KCNQ1: variants seen among roughly 807,000 people sequenced by gnomAD.
The protein encoded by KCNQ1 is potassium voltage-gated channel subfamily KQT member 1.
KCNQ1 carries 49 observed loss-of-function variants against 72.4 expected under a neutral mutation model. The ratio of observed to expected loss-of-function variants is 0.68; its 90% CI spans 0.54 to 0.86. The LOEUF is 0.86. KCNQ1 is among the 40% of genes least tolerant of loss of function. The pLI, the probability that KCNQ1 is intolerant of heterozygous loss-of-function variation, is 0.00. For missense variants in KCNQ1, 790 were observed against 945.1 expected, an observed-to-expected ratio of 0.84 and a Z score of 2.15; for synonymous variants, 450 against 412.6, an observed-to-expected ratio of 1.09 and a Z score of -1.10.
Position 2,473,995 on chromosome 11 carries a change from G to A in KCNQ1, c.386+28511G>A, listed in dbSNP as rs1846531962. On this transcript the variant is annotated intron_variant, in intron 1 of 15. Transcript: ENST00000155840. The surrounding 1 kb of genome is among the most constrained non-coding windows in gnomAD (Gnocchi z 6.0). ...GGGCCCTTGGGAGGGAGGTAAGCGG[G>A]CAGCCGGGCCAACCTGCTGCTTGGG... 6.6e-6 allele frequency among the ~76,000 whole-genome samples: 1 copy of A among 152,240 alleles called. No homozygotes were observed. Among genetic ancestry groups the A allele is most frequent in the African/African-American group, 2.4e-5 (1 of 41,474 alleles).
chr11:2,499,835 G>A (rs111677666), intron 1 of KCNQ1, among the ~76,000 whole-genome samples: 2 of 152,210 alleles, frequency 1.3e-5, no homozygotes, highest in African/African-American at 4.8e-5. Context: ...ATATTTACAG[G>A]ACATTTCATC....
At chr11:2,453,257 C>T (rs1450278514) in intron 1 of KCNQ1, among the ~76,000 whole-genome samples, 1 of 152,102 alleles carries the variant, frequency 6.6e-6, no homozygotes, top group Non-Finnish European at 1.5e-5. Flanking sequence ...CCTGTAATCC[C>T]AGCTACTTGG....
rs1002524946 is a variant in KCNQ1 at position 2,695,403 on chromosome 11, A to T, written c.1514+33322A>T. On this transcript the variant is annotated intron_variant, in intron 11 of 15. Coordinates refer to ENST00000155840, the MANE Select transcript of KCNQ1 (RefSeq NM_000218.3). This position sits in a 1 kb window ranked among gnomAD's most constrained non-coding sequence, Gnocchi z 5.2. Reference sequence around the variant, plus strand: ...GGTGGTGTGTAATTTTAATTTAAATACACAGTCATGTACTGAGGCCCTCTT... The same window carrying T: ...GGTGGTGTGTAATTTTAATTTAAATTCACAGTCATGTACTGAGGCCCTCTT... 1 of 398,446 alleles carries T rather than the reference A, an allele frequency of 2.5e-6. No homozygotes were observed. The highest frequency in any genetic ancestry group is 2.1e-5 in the African/African-American group (1 of 48,600). The allele number at this position is 398,446 out of a possible 1,614,324, so 24.7% of individuals were successfully genotyped here. A position where few individuals can be genotyped will look rare whatever the true frequency, so the allele number is the denominator to read the frequency against.
rs542255765 is a variant in KCNQ1, at chr11:2,447,179, A to C, written c.386+1695A>C. On this transcript the variant is annotated intron_variant, in intron 1 of 15. Transcript: ENST00000155840. The surrounding 1 kb of genome is among the most constrained non-coding windows in gnomAD (Gnocchi z 7.6). ...CGCCCCAGAGGAAGTCTCTGCTTGCACTTGTGTTTTCTTCCTCATTTGGAT... is the reference window on the plus strand; with the variant it reads ...CGCCCCAGAGGAAGTCTCTGCTTGCCCTTGTGTTTTCTTCCTCATTTGGAT... 6.6e-6 allele frequency among the ~76,000 whole-genome samples: 1 copy of C among 152,224 alleles called. No homozygotes were observed. Among genetic ancestry groups the C allele is most frequent in the East Asian group, 1.9e-4 (1 of 5,172 alleles).
intron 2 of KCNQ1, among the ~76,000 whole-genome samples, chr11:2,554,546 G>T (rs575094768): frequency 6.6e-6 from 1 of 152,326 alleles, no homozygotes; most frequent in South Asian, 2.1e-4. Context: ...GGGGGCCTGG[G>T]CTGGGTGGTC....
In KCNQ1 at chr11:2,767,501, C is replaced by A. The variant is rs928066419; in HGVS notation, c.1515-1343C>A. ...ACACCTTTAGATCTGTATGATCTCT[C>A]TTTTCCCTTGCCTTTTAGTCTTTCG... On this transcript the variant is annotated intron_variant, in intron 11 of 15. Coordinates refer to ENST00000155840, the MANE Select transcript of KCNQ1 (RefSeq NM_000218.3). This position sits in a 1 kb window ranked among gnomAD's most constrained non-coding sequence, Gnocchi z 4.6. 6.6e-6 allele frequency among the ~76,000 whole-genome samples: 1 copy of A among 152,226 alleles called. No homozygotes were observed. Among genetic ancestry groups the A allele is most frequent in the African/African-American group, 2.4e-5 (1 of 41,462 alleles).
chr11:2,532,764 G>T (rs1010144983), intron 2 of KCNQ1, among the ~76,000 whole-genome samples: 12 of 152,306 alleles, frequency 7.9e-5, no homozygotes, highest in African/African-American at 2.9e-4. Context: ...CAGAGCACAG[G>T]CAGAAGTCAC....
chr11:2,780,618 C>CA (rs2133995915), intron 15 of KCNQ1, among the ~76,000 whole-genome samples: 1 of 152,348 alleles, frequency 6.6e-6, no homozygotes, highest in South Asian at 2.1e-4. Context: ...GTGAGTCCCA[C>CA]CCCAGGCCAG....
Position 2,461,486 on chromosome 11 carries a change from C to G in KCNQ1, c.386+16002C>G, listed in dbSNP as rs116537065. Reference sequence around the variant, plus strand: ...CCATGGCCTGGGGCTGTGAGAGGCCCGGGAAGGCACTGTCTTTGCGCCTGC... The same window carrying G: ...CCATGGCCTGGGGCTGTGAGAGGCCGGGGAAGGCACTGTCTTTGCGCCTGC... On this transcript the variant is annotated intron_variant, in intron 1 of 15. Coordinates refer to ENST00000155840, the MANE Select transcript of KCNQ1 (RefSeq NM_000218.3). 4 of 1,295,998 alleles carry G rather than the reference C, an allele frequency of 3.1e-6. No homozygotes were observed. The African/African-American group carries it at 6.1e-5, about 20-fold the overall frequency. The allele number at this position is 1,295,998 out of a possible 1,614,324, so 80.3% of individuals were successfully genotyped here.
At chr11:2,685,798 T>C in intron 11 of KCNQ1, 1 of 398,640 alleles carries the variant, frequency 2.5e-6, no homozygotes, top group Non-Finnish European at 4.4e-6. Flanking sequence ...ACAGTCAGCG[T>C]TCCTGAGAAT....
chr11:2,665,903 G>C (rs1479751677), intron 11 of KCNQ1: 3 of 398,560 alleles, frequency 7.5e-6, no homozygotes, highest in Non-Finnish European at 1.3e-5. Flanking sequence ...GCCTGGGTGA[G>C]CTTCTCCAAG....
rs2018355 is a variant in KCNQ1, at chr11:2,752,599, C to T, written c.1515-16245C>T. On this transcript the variant is annotated intron_variant, in intron 11 of 15. Transcript: ENST00000155840. The surrounding 1 kb of genome is among the most constrained non-coding windows in gnomAD (Gnocchi z 5.2). ...TGGAAGTCAGCGGGCTGTGTCCTCA[C>T]GTGGCAGAAGAGGCAAAAATAAGGT... 0.045 allele frequency among the ~76,000 whole-genome samples: 6,898 copies of T among 152,140 alleles called. 514 individuals carry two copies. The highest frequency in any genetic ancestry group is 0.15 in the African/African-American group (6,332 of 41,456).
At position 2,813,233 on chromosome 11, in the gene KCNQ1, A is replaced by G. The variant is rs995196861; in HGVS notation, c.1795-34534A>G. Among the ~76,000 whole-genome samples the G allele has an allele frequency of 2.6e-5, 4 of 152,132 alleles. No homozygotes were observed. The highest frequency in any genetic ancestry group is 9.7e-5 in the African/African-American group (4 of 41,434). ...CTGGAGGGAGTTCCATCCCAGCCCC[A>G]AGGTGCCTGGAGTAGCTTATGGAGG... On this transcript the variant is annotated intron_variant, in intron 15 of 15. Transcript: ENST00000155840. The surrounding 1 kb of genome is among the most constrained non-coding windows in gnomAD (Gnocchi z 4.4).
intron 13 of KCNQ1, among the ~76,000 whole-genome samples, chr11:2,776,397 C>T (rs550864746): frequency 8.5e-5 from 13 of 152,222 alleles, no homozygotes; most frequent in Admixed American, 5.9e-4. Flanking sequence ...TCAGGACACT[C>T]GGCAGCCAGC....
chr11:2,571,252 C>A, intron 3 of KCNQ1, 73 bp from the exon 4 acceptor site: 1 of 1,254,228 alleles, frequency 8.0e-7, no homozygotes, highest in Non-Finnish European at 1.2e-6. Context: ...CAGACGAGAG[C>A]AGGGTGTATG....
Position 2,690,096 on chromosome 11 carries a change from C to T in KCNQ1, c.1514+28015C>T, listed in dbSNP as rs1176057406. ...GGGCTGAAGGCACAGCAGGGACAAT[C>T]GCTCTTCCGGGGTTAGAACTGGGGG... On this transcript the variant is annotated intron_variant, in intron 11 of 15. Transcript: ENST00000155840. This position sits in a 1 kb window ranked among gnomAD's most constrained non-coding sequence, Gnocchi z 5.1. 1.0e-5 allele frequency: 4 copies of T among 398,808 alleles called. No individual in the cohort carries two copies. Among genetic ancestry groups the T allele is most frequent in the Non-Finnish European group, 1.8e-5 (4 of 226,288 alleles). 24.7% of individuals were successfully genotyped at this position (398,808 alleles called of 1,614,324 possible).
intron 10 of KCNQ1, chr11:2,640,796 T>C: frequency 2.5e-6 from 1 of 398,654 alleles, no homozygotes. Context: ...TAGCTGTGTA[T>C]TTTTACCCAC....
chr11:2,685,589 G>T (rs1399218630), intron 11 of KCNQ1: 4 of 398,584 alleles, frequency 1.0e-5, no homozygotes, highest in Non-Finnish European at 1.8e-5. Context: ...GCACATGACA[G>T]GAAGCTAGGA....
At chr11:2,701,803 A>C (rs1005838650) in intron 11 of KCNQ1, among the ~76,000 whole-genome samples, 1 of 152,176 alleles carries the variant, frequency 6.6e-6, no homozygotes, top group Non-Finnish European at 1.5e-5. Flanking sequence ...CCCCTGACCA[A>C]AAAGAGCAGG....
Sources: allele counts gnomAD v4.1 joint callset (sites outside exome capture counted in the v4.1 genomes callset), GRCh38; gene constraint gnomAD v4.1.1; non-coding constraint Gnocchi (gnomAD v3.1); transcripts MANE v1.5; gene names NCBI Gene and HGNC (gene_info 2026-07-23, HGNC 2026-07-21).